Variants in HIPK3 observed in about 807,000 individuals in gnomAD.
The protein encoded by HIPK3 is homeodomain interacting protein kinase 3, also known as homeodomain-interacting protein kinase 3.
In HIPK3, 47 loss-of-function variants were observed where a neutral mutation model predicts 124.2. The ratio of observed to expected loss-of-function variants is 0.38; its 90% CI spans 0.30 to 0.48. HIPK3 has a LOEUF of 0.48. Among genes scored for constraint, HIPK3 ranks in the 20% least tolerant of loss-of-function variants. HIPK3 has a pLI of 0.98. For synonymous variants in HIPK3, 482 were observed against 515.2 expected (o/e 0.94, Z 0.87); for missense variants, 1,286 against 1,454.3 (o/e 0.88, Z 1.88).
chr11:33,314,727 TTAA>T (rs756453239), intron 2 of HIPK3, among the ~76,000 whole-genome samples: 1 of 152,200 alleles, frequency 6.6e-6, no homozygotes, highest in Non-Finnish European at 1.5e-5. Flanking sequence ...TAAATTATTG[TTAA>T]TAATTTTACA....
intron 2 of HIPK3, among the ~76,000 whole-genome samples, chr11:33,291,165 T>TTGGTAGCGG: frequency 6.6e-6 from 1 of 152,324 alleles, no homozygotes; most frequent in South Asian, 2.1e-4. Context: ...CTACTCTGTT[T>TTGGTAGCGG]AAGTATTTGT....
intron 2 of HIPK3, among the ~76,000 whole-genome samples, chr11:33,292,971 T>C (rs1851740075): frequency 6.6e-6 from 1 of 152,114 alleles, no homozygotes; most frequent in Admixed American, 6.6e-5. Flanking sequence ...TCTCCTGACC[T>C]TGTGATCCAC....
At chr11:33,258,845 G>T (rs1329654595) in intron 1 of HIPK3, among the ~76,000 whole-genome samples, 1 of 152,118 alleles carries the variant, frequency 6.6e-6, no homozygotes, top group Non-Finnish European at 1.5e-5. Context: ...TTACTGCCCT[G>T]TTAGGGAATT....
intron 1 of HIPK3, among the ~76,000 whole-genome samples, chr11:33,284,189 A>G (rs528346485): frequency 6.6e-6 from 1 of 152,338 alleles, no homozygotes; most frequent in East Asian, 1.9e-4. Context: ...CATAGTTAAT[A>G]TAATACAGAT....
chr11:33,310,228 T>TTGTC (rs67183549), intron 2 of HIPK3, among the ~76,000 whole-genome samples: 8,229 of 146,484 alleles, frequency 0.056, 390 homozygotes, highest in African/African-American at 0.12. Context: ...CTGGCTATCT[T>TTGTC]TGTCTGTCTG....
chr11:33,287,108 C>G lies in HIPK3; in HGVS notation c.694C>G (p.Pro232Ala). 1 of 1,614,122 alleles carries G rather than the reference C, an allele frequency of 6.2e-7. No individual in the cohort carries two copies. The highest frequency in any genetic ancestry group is 8.5e-7 in the Non-Finnish European group (1 of 1,180,000). Residue 232 changes from proline to alanine, a missense_variant, in exon 2 of 17, where the codon CCT becomes GCT. Pro to Ala is a conservative substitution (Grantham distance 27, BLOSUM62 -1). This residue lies in a region of HIPK3 where 251 missense variants were observed against 349.1 expected (regional missense o/e 0.72). Transcript: ENST00000303296. ...AGCAATCAAAATTTTGAAGAATCAT[C>G]CTTCTTATGCCCGTCAAGGTCAAAT... ...IVAIKILKNH[P>A]SYARQGQIEV...
intron 2 of HIPK3, among the ~76,000 whole-genome samples, chr11:33,296,935 G>A (rs1008208201): frequency 3.3e-5 from 5 of 152,186 alleles, no homozygotes; most frequent in Admixed American, 6.5e-5. Context: ...CGAGGAAGGC[G>A]TGTGGAAAGC....
chr11:33,287,070 C>A lies in HIPK3; in HGVS notation c.656C>A (p.Thr219Lys). 6.2e-7 allele frequency: 1 copy of A among 1,614,154 alleles called. No homozygotes were observed. Among genetic ancestry groups the A allele is most frequent in the East Asian group, 2.2e-5 (1 of 44,884 alleles). Reference sequence around the variant, plus strand: ...GTAGTTAAATGCTGGAAAAGAGGGACAAATGAAATTGTAGCAATCAAAATT... The same window carrying A: ...GTAGTTAAATGCTGGAAAAGAGGGAAAAATGAAATTGTAGCAATCAAAATT... Reference protein sequence around the residue: ...GQVVKCWKRGTNEIVAIKILK... With the variant: ...GQVVKCWKRGKNEIVAIKILK... The change falls in exon 2 of 17, where the codon ACA becomes AAA. Residue 219 changes from threonine (T) to lysine (K), a missense_variant. Physicochemically the swap from Thr to Lys is moderately conservative, Grantham distance 78 (BLOSUM62 -1). This residue lies in a region of HIPK3 where 251 missense variants were observed against 349.1 expected (regional missense o/e 0.72). Coordinates refer to ENST00000303296, the MANE Select transcript of HIPK3 (RefSeq NM_005734.5).
rs772419674 is a variant in HIPK3 at position 33,347,931 on chromosome 11, C to T, written c.2224C>T (p.Pro742Ser). 17 of 1,614,012 alleles carry T rather than the reference C, an allele frequency of 1.1e-5. No homozygotes were observed. Among genetic ancestry groups the T allele is most frequent in the East Asian group, 2.2e-5 (1 of 44,890 alleles). The change falls in exon 11 of 17, where the codon CCT (proline) becomes TCT (serine). Residue 742 changes from proline to serine, a missense_variant. Physicochemically the swap from Pro to Ser is moderately conservative, Grantham distance 74. Around this residue, in one of 3 missense-constraint regions of HIPK3, gnomAD observed 810 missense variants for 864.9 expected, o/e 0.94. Coordinates refer to ENST00000303296, the MANE Select transcript of HIPK3 (RefSeq NM_005734.5). ...GACCAATCAGATAACTTTATCTGCC[C>T]CTCAGCCAGTTAGTGTGGGGATTGC... ...LLTNQITLSA[P>S]QPVSVGIAHV... is the part of the protein sequence containing the mutation.
chr11:33,306,477 A>T (rs1236958713), intron 2 of HIPK3, among the ~76,000 whole-genome samples: 5 of 152,146 alleles, frequency 3.3e-5, no homozygotes, highest in African/African-American at 1.2e-4. Context: ...TTTTTTTAAA[A>T]AAAATTAAGT....
rs1853242675 is a variant in HIPK3 at position 33,338,852 on chromosome 11, C to T, written c.1428+9C>T. 5.0e-6 allele frequency: 8 copies of T among 1,589,784 alleles called. No homozygotes were observed. Among genetic ancestry groups the T allele is most frequent in the Non-Finnish European group, 6.9e-6 (8 of 1,159,892 alleles). On this transcript the variant is annotated intron_variant, in intron 5 of 16. Coordinates refer to ENST00000303296, the MANE Select transcript of HIPK3 (RefSeq NM_005734.5). ...TGGATGATGTAGCGCATGTGAGTACCATAGCCACATTTGTTCATCTTACAT... is the reference window on the plus strand; with the variant it reads ...TGGATGATGTAGCGCATGTGAGTACTATAGCCACATTTGTTCATCTTACAT...
intron 2 of HIPK3, among the ~76,000 whole-genome samples, chr11:33,304,038 T>C (rs1392040651): frequency 3.3e-5 from 5 of 152,140 alleles, no homozygotes; most frequent in African/African-American, 4.8e-5. Flanking sequence ...CCTCCCAGGT[T>C]CATGCGATTC....
At chr11:33,301,667 T>C (rs1852002869) in intron 2 of HIPK3, among the ~76,000 whole-genome samples, 1 of 150,220 alleles carries the variant, frequency 6.7e-6, no homozygotes, top group Admixed American at 6.7e-5. Context: ...ACCTGTAATC[T>C]CAGCTACCTG....
intron 14 of HIPK3, among the ~76,000 whole-genome samples, chr11:33,349,711 A>ACT (rs1853601673): frequency 6.6e-6 from 1 of 152,154 alleles, no homozygotes; most frequent in African/African-American, 2.4e-5. Flanking sequence ...TTGGCCTCCC[A>ACT]AAGTGCTGGG....
At chr11:33,266,077 G>GAAAAC (rs1850954938) in intron 1 of HIPK3, among the ~76,000 whole-genome samples, 1 of 139,262 alleles carries the variant, frequency 7.2e-6, no homozygotes, top group Non-Finnish European at 1.6e-5. Context: ...AAAAAAAAAA[G>GAAAAC]AAAACAAACC....
chr11:33,277,065 G>T (rs1290827786), intron 1 of HIPK3, among the ~76,000 whole-genome samples: 1 of 152,162 alleles, frequency 6.6e-6, no homozygotes, highest in Non-Finnish European at 1.5e-5. Context: ...TTCTCTGATA[G>T]ATTTTTTACC....
intron 2 of HIPK3, among the ~76,000 whole-genome samples, chr11:33,323,706 A>G (rs1026678360): frequency 1.3e-5 from 2 of 152,230 alleles, no homozygotes; most frequent in Non-Finnish European, 2.9e-5. Context: ...TAAGTTTTAT[A>G]TCAGTGCTTC....
chr11:33,260,229 G>GC (rs1850786981), intron 1 of HIPK3, among the ~76,000 whole-genome samples: 1 of 152,158 alleles, frequency 6.6e-6, no homozygotes, highest in Non-Finnish European at 1.5e-5. Context: ...GGTTGCTGTT[G>GC]CAAGTATGGC....
In HIPK3 at chr11:33,341,083, A is replaced by G; in HGVS notation, c.1729A>G (p.Thr577Ala). The change falls in exon 7 of 17, where the codon ACA becomes GCA. Residue 577 changes from threonine (T) to alanine (A), a missense_variant. Transcript: ENST00000303296. ...ACCAGTTGCTTCAAGCAGTACTGCTACACTGACTGCAAATTTTACTAAAAT... is the reference window on the plus strand; with the variant it reads ...ACCAGTTGCTTCAAGCAGTACTGCTGCACTGACTGCAAATTTTACTAAAAT... ...LRPVASSSTA[T>A]LTANFTKIGT... The G allele has an allele frequency of 2.5e-6, 4 of 1,603,144 alleles. No individual in the cohort carries two copies. The highest frequency in any genetic ancestry group is 3.4e-6 in the Non-Finnish European group (4 of 1,176,422).
Sources: allele counts gnomAD v4.1 joint callset (sites outside exome capture counted in the v4.1 genomes callset), GRCh38; gene constraint gnomAD v4.1.1; regional missense constraint gnomAD v4.1.1; transcripts MANE v1.5; gene names NCBI Gene and HGNC (gene_info 2026-07-23, HGNC 2026-07-21).